KLHL20: variants seen among roughly 807,000 people sequenced by gnomAD.
The protein encoded by KLHL20 is kelch-like protein 20.
Under a neutral mutation model 69.5 loss-of-function variants are expected in KLHL20, and 29 were observed. The observed-to-expected ratio is 0.42, with a 90% CI of 0.31 to 0.57. KLHL20 has a LOEUF of 0.57. Ranked by LOEUF, KLHL20 falls within the 20% of genes least tolerant of loss-of-function variation. KLHL20 has a pLI of 0.18. For synonymous variants in KLHL20, 253 were observed against 265.2 expected, an observed-to-expected ratio of 0.95 and a Z score of 0.45; for missense variants, 419 against 776.0, an observed-to-expected ratio of 0.54 and a Z score of 5.47.
rs1672825446 is a variant in KLHL20 at position 173,741,935 on chromosome 1, A to G, written c.597+7649A>G. 5.0e-6 allele frequency: 5 copies of G among 1,006,862 alleles called. No individual in the cohort carries two copies. The Admixed American group carries it at 5.9e-5, about 12-fold the overall frequency. The allele number at this position is 1,006,862 out of a possible 1,614,324, so 62.4% of individuals were successfully genotyped here. ...TTCAGATGAAAGCAGCACTAAAAGC[A>G]CTCTGAATCAAGATAAGTGGGAAAC... On this transcript the variant is annotated intron_variant, in intron 3 of 11. Transcript: ENST00000209884.
intron 3 of KLHL20, among the ~76,000 whole-genome samples, chr1:173,741,407 C>T (rs983512339): frequency 3.3e-5 from 5 of 152,046 alleles, no homozygotes; most frequent in African/African-American, 7.2e-5. Context: ...ATGGATCAAA[C>T]GTTTAAACAT....
intron 3 of KLHL20, chr1:173,741,576 C>T (rs1672810402): frequency 2.4e-6 from 1 of 425,388 alleles, no homozygotes; most frequent in South Asian, 9.0e-5. Context: ...CATGGTAAAA[C>T]AAAGCAAAAT....
chr1:173,733,436 T>C (rs1309928176), intron 2 of KLHL20, among the ~76,000 whole-genome samples: 3 of 152,154 alleles, frequency 2.0e-5, no homozygotes, highest in Non-Finnish European at 4.4e-5. Flanking sequence ...GTTTTATTGC[T>C]ATAGTAGCTC....
At chr1:173,770,698 AG>A (rs1160571285) in intron 8 of KLHL20, among the ~76,000 whole-genome samples, 2 of 150,344 alleles carry the variant, frequency 1.3e-5, no homozygotes, top group African/African-American at 4.9e-5. Context: ...AAAAAGAGAG[AG>A]GAAAAAAAAA....
chr1:173,735,952 T>C (rs1672514340), intron 3 of KLHL20, among the ~76,000 whole-genome samples: 1 of 147,506 alleles, frequency 6.8e-6, no homozygotes, highest in South Asian at 2.2e-4. Context: ...TTTTTTTTTT[T>C]TTTTTTGAGA....
At chr1:173,782,079 G>T in intron 10 of KLHL20, 45 bp from the exon 11 acceptor site, 4 of 1,320,094 alleles carry the variant, frequency 3.0e-6, no homozygotes, top group Non-Finnish European at 4.4e-6. Flanking sequence ...ATTTCCTTAC[G>T]ATTGTCTAGT....
chr1:173,741,166 A>C (rs1672793058), intron 3 of KLHL20, among the ~76,000 whole-genome samples: 1 of 151,992 alleles, frequency 6.6e-6, no homozygotes, highest in African/African-American at 2.4e-5. Flanking sequence ...TGGCTTTCAG[A>C]TTTTGCAGCT....
intron 2 of KLHL20, among the ~76,000 whole-genome samples, chr1:173,731,212 AAAC>A (rs774199423): frequency 2.2e-4 from 33 of 152,296 alleles, no homozygotes; most frequent in Middle Eastern, 3.4e-3. Context: ...AAAAGTCAGG[AAAC>A]AACAGGTGCT....
chr1:173,775,754 A>C lies in KLHL20; in HGVS notation c.1550A>C (p.Asp517Ala), dbSNP rs1648424314. 1 of 1,614,080 alleles carries C rather than the reference A, an allele frequency of 6.2e-7. No individual in the cohort carries two copies. Among genetic ancestry groups the C allele is most frequent in the African/African-American group, 1.3e-5 (1 of 74,934 alleles). Residue 517 changes from aspartate to alanine, a missense_variant, in exon 10 of 12, where the codon GAC becomes GCC. By Grantham distance (126) the Asp-to-Ala change is moderately radical (BLOSUM62 -2). This residue lies in a region of KLHL20 where 79 missense variants were observed against 154.4 expected (regional missense o/e 0.51). Transcript: ENST00000209884. ...ATCTATGCTGTAGGAGGTAGAGATG[A>C]CACTACAGAGCTGAGCAGTGCTGAG... is the stretch of plus-strand genomic sequence containing the variant. ...DMIYAVGGRD[D>A]TTELSSAERY...
intron 8 of KLHL20, among the ~76,000 whole-genome samples, chr1:173,767,905 T>C (rs1246244063): frequency 6.6e-6 from 1 of 152,242 alleles, no homozygotes; most frequent in African/African-American, 2.4e-5. Context: ...ATCTTACTTT[T>C]TTTGCTTTTG....
chr1:173,767,240 G>A (rs1647792223), intron 8 of KLHL20, among the ~76,000 whole-genome samples: 1 of 152,136 alleles, frequency 6.6e-6, no homozygotes, highest in Non-Finnish European at 1.5e-5. Context: ...TCTTTTTTAA[G>A]ACTGAATAGT....
chr1:173,740,928 C>T (rs1174263486), intron 3 of KLHL20, among the ~76,000 whole-genome samples: 1 of 152,218 alleles, frequency 6.6e-6, no homozygotes, highest in Non-Finnish European at 1.5e-5. Context: ...GGCTGTTCTC[C>T]CCAAGGACCC....
chr1:173,722,794 A>G (rs1333031884), intron 2 of KLHL20, among the ~76,000 whole-genome samples: 1 of 151,690 alleles, frequency 6.6e-6, no homozygotes, highest in African/African-American at 2.4e-5. Flanking sequence ...GGTTCAAGCA[A>G]TTCTCCTGCC....
At chr1:173,767,780 G>A (rs947273094) in intron 8 of KLHL20, among the ~76,000 whole-genome samples, 10 of 152,046 alleles carry the variant, frequency 6.6e-5, no homozygotes, top group African/African-American at 9.7e-5. Context: ...TATATTTTCA[G>A]TATTAACCTT....
intron 4 of KLHL20, 113 bp from the exon 5 acceptor site, chr1:173,753,100 G>A (rs1392106055): frequency 2.6e-6 from 2 of 777,078 alleles, no homozygotes. Context: ...TTGAGCCCAG[G>A]AGATTGAGGC....
intron 2 of KLHL20, among the ~76,000 whole-genome samples, chr1:173,717,291 T>C (rs1028839669): frequency 1.3e-5 from 2 of 152,252 alleles, no homozygotes; most frequent in African/African-American, 4.8e-5. Flanking sequence ...ATCAGTAGTC[T>C]ATATAAAATA....
chr1:173,715,684 G>A (rs1671435851), intron 1 of KLHL20: 2 of 230,786 alleles, frequency 8.7e-6, no homozygotes, highest in Non-Finnish European at 1.7e-5. Context: ...TCTGGTGCTT[G>A]TTCTGTAAAT....
intron 7 of KLHL20, among the ~76,000 whole-genome samples, chr1:173,762,463 T>C (rs1250791951): frequency 2.0e-5 from 3 of 152,164 alleles, no homozygotes; most frequent in Admixed American, 6.5e-5. Flanking sequence ...CCTTGATGAA[T>C]GTAGATGCTA....
At chr1:173,719,847 G>A (rs1281758200) in intron 2 of KLHL20, among the ~76,000 whole-genome samples, 1 of 152,076 alleles carries the variant, frequency 6.6e-6, no homozygotes, top group African/African-American at 2.4e-5. Flanking sequence ...TATATAAATA[G>A]AAAACTGAGC....
Sources: allele counts gnomAD v4.1 joint callset (sites outside exome capture counted in the v4.1 genomes callset), GRCh38; gene constraint gnomAD v4.1.1; regional missense constraint gnomAD v4.1.1; transcripts MANE v1.5; gene names NCBI Gene and HGNC (gene_info 2026-07-23, HGNC 2026-07-21).